The following TTC28 variants were observed in gnomAD, a reference collection of about 807,000 sequenced individuals.
TTC28 encodes the protein tetratricopeptide repeat domain 28.
In TTC28, 61 loss-of-function variants were observed where a neutral mutation model predicts 198.0. That is an observed-to-expected ratio of 0.31 (90% confidence interval 0.25 to 0.38). The LOEUF (loss-of-function observed/expected upper bound fraction) is 0.38, where lower values mean the gene tolerates loss of function less well. TTC28 is among the 10% of genes least tolerant of loss of function. The probability of loss-of-function intolerance (pLI) is 1.00; values close to 1 mark genes in which losing one functional copy is unlikely to be tolerated. For synonymous variants in TTC28, 1,171 were observed against 1,297.8 expected (o/e 0.90, Z 2.10); for missense variants, 2,678 against 3,164.0 (o/e 0.85, Z 3.69).
chr22:28,247,301 A>T lies in TTC28; in HGVS notation c.933+48897T>A, dbSNP rs143161479. ...TCACACTGCCAGCCAGCTCTTCAGC[A>T]TGAACTTTCTCATGGTGTGGGTGTG... is the stretch of plus-strand genomic sequence containing the variant. On this transcript the variant is annotated intron_variant, in intron 5 of 22. Coordinates refer to ENST00000397906, the MANE Select transcript of TTC28 (RefSeq NM_001145418.2). Among the ~76,000 whole-genome samples, 465 of 152,334 alleles carry T rather than the reference A, an allele frequency of 3.1e-3. 1 individual carries two copies. The highest frequency in any genetic ancestry group is 5.1e-3 in the Non-Finnish European group (345 of 68,026).
chr22:27,993,177 G>A (rs1937477647), intron 18 of TTC28, 110 bp downstream of exon 18: 1 of 1,013,618 alleles, frequency 9.9e-7, no homozygotes, highest in Non-Finnish European at 1.4e-6. Context: ...ACACCCTCCT[G>A]CTCCTAGCTG....
Position 27,981,229 on chromosome 22 carries a change from A to ATTTTTTTTTTTTTTT in TTC28, c.*991_*992insAAAAAAAAAAAAAAA, listed in dbSNP as rs1937001603. The ATTTTTTTTTTTTTTT allele has an allele frequency of 5.5e-5, 4 of 72,734 alleles. No individual in the cohort carries two copies. Among genetic ancestry groups the ATTTTTTTTTTTTTTT allele is most frequent in the Admixed American group, 1.5e-4 (1 of 6,470 alleles). 4.5% of individuals were successfully genotyped at this position (72,734 alleles called of 1,614,324 possible). A position where few individuals can be genotyped will look rare whatever the true frequency, so the allele number is the denominator to read the frequency against. ...CTGGTTAAATCTAGTTAGCCATGGAAATTTTTTTTTTTTTTTTTTTTTTTT... is the reference window on the plus strand; with the variant it reads ...CTGGTTAAATCTAGTTAGCCATGGAATTTTTTTTTTTTTTTATTTTTTTTTTTTTTTTTTTTTTTT... On this transcript the variant is annotated 3_prime_UTR_variant, in exon 23 of 23. Coordinates refer to ENST00000397906, the MANE Select transcript of TTC28 (RefSeq NM_001145418.2).
chr22:28,256,018 T>C (rs1930887339), intron 5 of TTC28, among the ~76,000 whole-genome samples: 2 of 151,940 alleles, frequency 1.3e-5, no homozygotes, highest in Non-Finnish European at 2.9e-5. Context: ...AGTCAGGAAA[T>C]GTCAGTCATA....
chr22:28,425,296 G>A (rs2047333015), intron 2 of TTC28, among the ~76,000 whole-genome samples: 1 of 152,132 alleles, frequency 6.6e-6, no homozygotes, highest in Non-Finnish European at 1.5e-5. Context: ...TCAAATGATG[G>A]ACCAATATCC....
At chr22:28,371,836 T>C (rs1003174365) in intron 2 of TTC28, among the ~76,000 whole-genome samples, 1 of 147,520 alleles carries the variant, frequency 6.8e-6, no homozygotes, top group Admixed American at 6.8e-5. Context: ...CACCACAGCC[T>C]CCCAAAGTGC....
At chr22:28,295,968 A>T (rs911900798) in intron 5 of TTC28, among the ~76,000 whole-genome samples, 1 of 152,188 alleles carries the variant, frequency 6.6e-6, no homozygotes, top group Non-Finnish European at 1.5e-5. Context: ...AAGCTGTTAG[A>T]TCGTGAGGTC....
chr22:28,222,026 G>C (rs777763539), intron 5 of TTC28, among the ~76,000 whole-genome samples: 2 of 152,134 alleles, frequency 1.3e-5, no homozygotes, highest in African/African-American at 2.4e-5. Context: ...CTTGCCTTAG[G>C]AGCCTAATTT....
At chr22:28,655,341 C>T (rs1237702040) in intron 1 of TTC28, among the ~76,000 whole-genome samples, 1 of 152,106 alleles carries the variant, frequency 6.6e-6, no homozygotes, top group Non-Finnish European at 1.5e-5. Context: ...AAACTACAAA[C>T]CCAATAAACA....
chr22:28,486,152 G>C (rs1233657852), intron 2 of TTC28, among the ~76,000 whole-genome samples: 2 of 152,078 alleles, frequency 1.3e-5, no homozygotes, highest in African/African-American at 4.8e-5. Flanking sequence ...TTGTACAAAT[G>C]ATTTTGTCTT....
At chr22:28,052,430 G>A (rs1940124231) in intron 12 of TTC28, among the ~76,000 whole-genome samples, 2 of 152,102 alleles carry the variant, frequency 1.3e-5, no homozygotes, top group Admixed American at 6.5e-5. Context: ...CTTGCCCCAG[G>A]AAGCCCAGCC....
At chr22:28,386,253 C>A (rs1299031891) in intron 2 of TTC28, among the ~76,000 whole-genome samples, 2 of 106,200 alleles carry the variant, frequency 1.9e-5, no homozygotes, top group Non-Finnish European at 3.6e-5. Context: ...CCACCCTGGG[C>A]GACAGAGCGA....
chr22:28,484,078 TTTTTTTTA>T (rs1367610693), intron 2 of TTC28, among the ~76,000 whole-genome samples: 2 of 152,018 alleles, frequency 1.3e-5, no homozygotes, highest in East Asian at 3.9e-4. Flanking sequence ...ACCCCCAAAG[TTTTTTTTA>T]TTTTTTTATT....
At chr22:28,677,158 G>GAAAAA (rs35292146) in intron 1 of TTC28, among the ~76,000 whole-genome samples, 13 of 45,032 alleles carry the variant, frequency 2.9e-4, no homozygotes, top group South Asian at 8.0e-4. Context: ...TCCATCTCAG[G>GAAAAA]AAAAAAAAAA....
At chr22:28,503,536 GTAGCTATAA>G (rs2048564506) in intron 2 of TTC28, among the ~76,000 whole-genome samples, 3 of 152,108 alleles carry the variant, frequency 2.0e-5, no homozygotes, top group African/African-American at 7.2e-5. Flanking sequence ...TTCAGTTTCT[GTAGCTATAA>G]AAAGAGAATA....
intron 2 of TTC28, among the ~76,000 whole-genome samples, chr22:28,412,217 C>T (rs1258149238): frequency 6.6e-6 from 1 of 152,200 alleles, no homozygotes; most frequent in Non-Finnish European, 1.5e-5. Context: ...CAGATGGCCA[C>T]AGCCTTTGTC....
chr22:28,204,038 A>G (rs1258278127), intron 5 of TTC28, among the ~76,000 whole-genome samples: 1 of 152,196 alleles, frequency 6.6e-6, no homozygotes, highest in Admixed American at 6.5e-5. Flanking sequence ...CCCATTCTTC[A>G]TGATTCCTCT....
chr22:28,624,455 T>C (rs1021018176), intron 2 of TTC28, among the ~76,000 whole-genome samples: 1 of 151,738 alleles, frequency 6.6e-6, no homozygotes, highest in African/African-American at 2.4e-5. Context: ...TAAAGGAATA[T>C]TAACAACTTT....
intron 12 of TTC28, among the ~76,000 whole-genome samples, chr22:28,049,570 C>T (rs1001922125): frequency 2.6e-5 from 4 of 152,116 alleles, no homozygotes; most frequent in African/African-American, 9.7e-5. Flanking sequence ...ATCCATGGCA[C>T]CTGGCTACTC....
At chr22:28,477,205 T>C (rs1012302552) in intron 2 of TTC28, among the ~76,000 whole-genome samples, 3 of 152,000 alleles carry the variant, frequency 2.0e-5, no homozygotes, top group South Asian at 4.1e-4. Context: ...TACATGAGTA[T>C]ACACATTTCT....
Sources: gnomAD v4.1 joint callset for allele counts (sites outside exome capture counted in the v4.1 genomes callset) on GRCh38, gnomAD v4.1.1 for gene constraint, MANE v1.5 for transcripts, NCBI Gene and HGNC (gene_info 2026-07-23, HGNC 2026-07-21) for gene names.